GALNT17: variants seen among roughly 807,000 people sequenced by gnomAD.
GALNT17 encodes the protein UDP-GalNAc:polypeptide N-acetylgalactosaminyltransferase-like 3.
GALNT17 carries 29 observed loss-of-function variants against 63.7 expected under a neutral mutation model. The ratio of observed to expected loss-of-function variants is 0.46; its 90% CI spans 0.34 to 0.62. The LOEUF (loss-of-function observed/expected upper bound fraction) is 0.62. GALNT17 is among the 20% of genes least tolerant of loss of function. GALNT17 has a pLI of 0.01. For missense variants in GALNT17, 603 were observed against 799.6 expected (o/e 0.75, Z 2.97); for synonymous variants, 305 against 318.3 (o/e 0.96, Z 0.45).
intron 2 of GALNT17, among the ~76,000 whole-genome samples, chr7:71,375,200 C>T (rs1040719935): frequency 6.6e-6 from 1 of 152,118 alleles, no homozygotes; most frequent in African/African-American, 2.4e-5. Context: ...AGGGATGGCC[C>T]AGATGTGGGA....
intron 1 of GALNT17, among the ~76,000 whole-genome samples, chr7:71,175,759 G>A (rs1051140738): frequency 6.6e-6 from 1 of 152,154 alleles, no homozygotes; most frequent in Non-Finnish European, 1.5e-5. Context: ...CAACAGGCTA[G>A]GCATGGTGGT....
intron 3 of GALNT17, among the ~76,000 whole-genome samples, chr7:71,389,510 T>A (rs527728280): frequency 1.1e-4 from 17 of 152,262 alleles, no homozygotes; most frequent in African/African-American, 3.9e-4. Flanking sequence ...CCATCTCCCC[T>A]GACCCCCATG....
intron 1 of GALNT17, among the ~76,000 whole-genome samples, chr7:71,320,664 C>T (rs1791589919): frequency 6.6e-6 from 1 of 152,076 alleles, no homozygotes; most frequent in African/African-American, 2.4e-5. Flanking sequence ...TTCTGAATAC[C>T]TCTTTAGAAC....
At position 71,148,860 on chromosome 7, in the gene GALNT17, TTATATATATATATATATATA is replaced by T. The variant is rs59163644; in HGVS notation, c.238+15834_238+15853del. On this transcript the variant is annotated intron_variant, in intron 1 of 10. Transcript: ENST00000333538. ...GAAATACAGTAGTATTATGGTATTTTTATATATATATATATATATATATATATATATATGTATACCATAGT... is the reference window on the plus strand; with the variant it reads ...GAAATACAGTAGTATTATGGTATTTTTATATATATATATGTATACCATAGT... Among the ~76,000 whole-genome samples, 22 of 103,260 alleles carry T rather than the reference TTATATATATATATATATATA, an allele frequency of 2.1e-4. 1 individual carries two copies. The highest frequency in any genetic ancestry group is 6.7e-4 in the South Asian group (2 of 2,970). The allele number at this position is 103,260 out of a possible 152,430, so 67.7% of individuals were successfully genotyped here.
At chr7:71,144,130 A>G (rs1214190436) in intron 1 of GALNT17, among the ~76,000 whole-genome samples, 1 of 152,058 alleles carries the variant, frequency 6.6e-6, no homozygotes, top group Non-Finnish European at 1.5e-5. Context: ...TCAGGCTCCC[A>G]CTTCTCTTAC....
At chr7:71,400,734 GT>G (rs1286258336) in intron 3 of GALNT17, among the ~76,000 whole-genome samples, 2 of 152,184 alleles carry the variant, frequency 1.3e-5, no homozygotes, top group Admixed American at 6.5e-5. Context: ...GAAATTCACT[GT>G]TTTTATCTGC....
At chr7:71,675,011 C>T (rs949735708) in intron 8 of GALNT17, among the ~76,000 whole-genome samples, 2 of 152,092 alleles carry the variant, frequency 1.3e-5, no homozygotes, top group Non-Finnish European at 2.9e-5. Context: ...TGGTGAAACC[C>T]TGTCTCTACT....
chr7:71,437,760 G>A lies in GALNT17; in HGVS notation c.962+16655G>A, dbSNP rs1583952902. ...GACAGGGTCTCACTCTGCCACCCAG[G>A]CTAGAGTGCAGTGGTGCAATCATAG... is the stretch of plus-strand genomic sequence containing the variant. On this transcript the variant is annotated intron_variant, in intron 5 of 10. Transcript: ENST00000333538. 2.0e-5 allele frequency among the ~76,000 whole-genome samples: 3 copies of A among 152,186 alleles called. No individual in the cohort carries two copies. In the East Asian group the frequency reaches 5.8e-4, roughly 29 times the overall value.
At chr7:71,202,909 C>T (rs1380276976) in intron 1 of GALNT17, among the ~76,000 whole-genome samples, 1 of 152,176 alleles carries the variant, frequency 6.6e-6, no homozygotes, top group African/African-American at 2.4e-5. Context: ...AGATTAATGT[C>T]CTCCAGGTTC....
intron 1 of GALNT17, among the ~76,000 whole-genome samples, chr7:71,261,572 T>G (rs1224024354): frequency 1.3e-5 from 2 of 152,172 alleles, no homozygotes; most frequent in Admixed American, 1.3e-4. Flanking sequence ...AATCATTTGG[T>G]GGGGTCACCA....
intron 5 of GALNT17, among the ~76,000 whole-genome samples, chr7:71,558,448 T>C (rs181024008): frequency 7.9e-5 from 12 of 152,150 alleles, no homozygotes; most frequent in Admixed American, 3.3e-4. Context: ...TAAGTGTTCA[T>C]CTGTTAAAAA....
intron 9 of GALNT17, among the ~76,000 whole-genome samples, chr7:71,710,438 G>A (rs1791776154): frequency 6.6e-6 from 1 of 152,212 alleles, no homozygotes. Flanking sequence ...AACCTGGGAA[G>A]CGGAGGTTGC....
At chr7:71,224,615 A>G (rs1426421878) in intron 1 of GALNT17, among the ~76,000 whole-genome samples, 1 of 152,142 alleles carries the variant, frequency 6.6e-6, no homozygotes, top group East Asian at 1.9e-4. Context: ...AACCACGAGA[A>G]CACCTTTTCT....
chr7:71,351,689 A>C (rs1792191235), intron 2 of GALNT17, among the ~76,000 whole-genome samples: 1 of 152,152 alleles, frequency 6.6e-6, no homozygotes, highest in Non-Finnish European at 1.5e-5. Context: ...TAGAGCCTTC[A>C]GAGGGTGCAT....
intron 6 of GALNT17, among the ~76,000 whole-genome samples, chr7:71,583,727 GCACACACACACA>G (rs969364342): frequency 7.1e-5 from 2 of 28,360 alleles, no homozygotes; most frequent in African/African-American, 1.8e-4. Context: ...GAACACACAT[GCACACACACACA>G]CACACACACA....
At chr7:71,141,259 C>T (rs538917423) in intron 1 of GALNT17, among the ~76,000 whole-genome samples, 10 of 151,806 alleles carry the variant, frequency 6.6e-5, no homozygotes, top group Non-Finnish European at 1.2e-4. Flanking sequence ...CCCAGCTACT[C>T]GGGGGGCTGA....
At chr7:71,156,686 C>G (rs1788242823) in intron 1 of GALNT17, among the ~76,000 whole-genome samples, 1 of 145,242 alleles carries the variant, frequency 6.9e-6, no homozygotes, top group Admixed American at 6.9e-5. Context: ...CCCTCCCTTC[C>G]TTCCTCTCTG....
At chr7:71,329,525 G>A (rs1411160471) in intron 1 of GALNT17, among the ~76,000 whole-genome samples, 3 of 152,058 alleles carry the variant, frequency 2.0e-5, no homozygotes, top group Non-Finnish European at 4.4e-5. Context: ...AATTTATGAC[G>A]AAAAGAGGTT....
At chr7:71,256,607 C>T (rs1790294982) in intron 1 of GALNT17, among the ~76,000 whole-genome samples, 1 of 152,064 alleles carries the variant, frequency 6.6e-6, no homozygotes, top group African/African-American at 2.4e-5. Flanking sequence ...AACAAAAAAA[C>T]AAAACTGAGT....
Sources: gnomAD v4.1 joint callset for allele counts (sites outside exome capture counted in the v4.1 genomes callset) on GRCh38, gnomAD v4.1.1 for gene constraint, MANE v1.5 for transcripts, NCBI Gene and HGNC (gene_info 2026-07-23, HGNC 2026-07-21) for gene names.